The following ZFPM2 variants were observed in gnomAD, a reference collection of about 807,000 sequenced individuals.
ZFPM2 encodes the protein zinc finger protein ZFPM2.
In ZFPM2, 20 loss-of-function variants were observed where a neutral mutation model predicts 98.6. That is an observed-to-expected ratio of 0.20 (90% confidence interval 0.14 to 0.29). The LOEUF (loss-of-function observed/expected upper bound fraction) is 0.29. ZFPM2 is among the 10% of genes least tolerant of loss of function. The probability of loss-of-function intolerance (pLI) is 1.00; values close to 1 mark genes in which losing one functional copy is unlikely to be tolerated. For missense variants in ZFPM2, 1,310 were observed against 1,388.6 expected (o/e 0.94, Z 0.90); for synonymous variants, 518 against 502.7 (o/e 1.03, Z -0.41).
At chr8:105,524,453 GGT>G (rs954229760) in intron 3 of ZFPM2, among the ~76,000 whole-genome samples, 3 of 150,258 alleles carry the variant, frequency 2.0e-5, no homozygotes, top group Non-Finnish European at 4.4e-5. Context: ...AACATTCTTG[GGT>G]GTGTGTGTGT....
At chr8:105,512,852 A>G (rs749893876) in intron 3 of ZFPM2, among the ~76,000 whole-genome samples, 7 of 152,084 alleles carry the variant, frequency 4.6e-5, no homozygotes, top group Non-Finnish European at 7.4e-5. Flanking sequence ...ATTACCTTAC[A>G]TATCATGTGC....
chr8:105,470,718 C>T (rs1812886809), intron 3 of ZFPM2, among the ~76,000 whole-genome samples: 1 of 151,856 alleles, frequency 6.6e-6, no homozygotes. Context: ...GTGGAGGTTG[C>T]AGTGAGCCAA....
intron 4 of ZFPM2, among the ~76,000 whole-genome samples, chr8:105,629,391 G>A (rs796795725): frequency 1.3e-5 from 2 of 152,098 alleles, no homozygotes; most frequent in South Asian, 2.1e-4. Context: ...TTCAACTAAC[G>A]GGAAGCTATT....
chr8:105,402,973 A>G (rs1397858700), intron 1 of ZFPM2, among the ~76,000 whole-genome samples: 1 of 152,016 alleles, frequency 6.6e-6, no homozygotes, highest in Admixed American at 6.6e-5. Context: ...TTGCAAAGTT[A>G]TGCTAGCTTT....
chr8:105,562,558 T>C (rs1815162047), intron 4 of ZFPM2, among the ~76,000 whole-genome samples: 1 of 152,082 alleles, frequency 6.6e-6, no homozygotes, highest in African/African-American at 2.4e-5. Context: ...GAACTCCTTT[T>C]CGGATGCTTT....
intron 3 of ZFPM2, among the ~76,000 whole-genome samples, chr8:105,517,734 C>CACACACAA: frequency 6.6e-6 from 1 of 151,532 alleles, no homozygotes; most frequent in South Asian, 2.1e-4. Flanking sequence ...CACACACACA[C>CACACACAA]ACACACACCC....
At chr8:105,409,035 G>A (rs1179909177) in intron 1 of ZFPM2, among the ~76,000 whole-genome samples, 1 of 151,828 alleles carries the variant, frequency 6.6e-6, no homozygotes, top group African/African-American at 2.4e-5. Flanking sequence ...GCTGAGCAGT[G>A]GAACATGTGT....
intron 2 of ZFPM2, among the ~76,000 whole-genome samples, chr8:105,440,140 A>G (rs1221756267): frequency 6.6e-6 from 1 of 152,206 alleles, no homozygotes; most frequent in Non-Finnish European, 1.5e-5. Flanking sequence ...TCACTTAAAT[A>G]CTCCTCTAGT....
intron 3 of ZFPM2, among the ~76,000 whole-genome samples, chr8:105,486,775 A>G (rs1169676148): frequency 6.6e-6 from 1 of 152,174 alleles, no homozygotes; most frequent in Non-Finnish European, 1.5e-5. Flanking sequence ...TTTATTTGCA[A>G]TGAAAAATAT....
At chr8:105,665,304 G>C (rs142338814) in intron 5 of ZFPM2, among the ~76,000 whole-genome samples, 1 of 152,030 alleles carries the variant, frequency 6.6e-6, no homozygotes. Flanking sequence ...AGAAATTAAG[G>C]TTCCAACAAA....
intron 5 of ZFPM2, among the ~76,000 whole-genome samples, chr8:105,644,433 A>T (rs1817003324): frequency 6.6e-6 from 1 of 151,504 alleles, no homozygotes; most frequent in African/African-American, 2.4e-5. Context: ...CTCCTCCAAC[A>T]TGTTGCCTCC....
chr8:105,444,899 A>G (rs1408117436), intron 3 of ZFPM2, among the ~76,000 whole-genome samples: 1 of 152,206 alleles, frequency 6.6e-6, no homozygotes, highest in East Asian at 1.9e-4. Flanking sequence ...ACATTTAATC[A>G]TTTAAAGAAA....
chr8:105,481,820 A>G (rs1463383576), intron 3 of ZFPM2, among the ~76,000 whole-genome samples: 1 of 152,238 alleles, frequency 6.6e-6, no homozygotes. Flanking sequence ...TTTTGGATGC[A>G]GTCACAAACT....
chr8:105,339,531 G>T (rs1251912101), intron 1 of ZFPM2, among the ~76,000 whole-genome samples: 1 of 151,860 alleles, frequency 6.6e-6, no homozygotes, highest in African/African-American at 2.4e-5. Context: ...AAATCAAATT[G>T]CTAGAGTGTT....
At chr8:105,717,438 C>A (rs559165415) in intron 5 of ZFPM2, among the ~76,000 whole-genome samples, 1 of 152,038 alleles carries the variant, frequency 6.6e-6, no homozygotes, top group South Asian at 2.1e-4. Flanking sequence ...TCTGATTTTC[C>A]TCCATTTGCA....
chr8:105,768,497 C>T (rs138071472), intron 5 of ZFPM2, among the ~76,000 whole-genome samples: 1 of 151,964 alleles, frequency 6.6e-6, no homozygotes, highest in African/African-American at 2.4e-5. Context: ...CATCAAAGCT[C>T]TCTCCCAAAT....
intron 3 of ZFPM2, among the ~76,000 whole-genome samples, chr8:105,489,637 T>C (rs1327316543): frequency 6.6e-6 from 1 of 151,240 alleles, no homozygotes; most frequent in Non-Finnish European, 1.5e-5. Context: ...CTAATTTTTG[T>C]ATTTTTAGTA....
intron 3 of ZFPM2, among the ~76,000 whole-genome samples, chr8:105,533,162 C>G (rs1814331928): frequency 6.6e-6 from 1 of 152,108 alleles, no homozygotes; most frequent in South Asian, 2.1e-4. Flanking sequence ...CCTGAAACTG[C>G]TTTTCTTAAG....
intron 3 of ZFPM2, among the ~76,000 whole-genome samples, chr8:105,460,142 T>A (rs1812676805): frequency 6.6e-6 from 1 of 152,200 alleles, no homozygotes; most frequent in Non-Finnish European, 1.5e-5. Flanking sequence ...GAGCAGAAGC[T>A]GTTTGGGTAT....
Sources: gnomAD v4.1 joint callset for allele counts (sites outside exome capture counted in the v4.1 genomes callset) on GRCh38, gnomAD v4.1.1 for gene constraint, MANE v1.5 for transcripts, NCBI Gene and HGNC (gene_info 2026-07-23, HGNC 2026-07-21) for gene names.